Variants in KANK4 observed in about 807,000 individuals in gnomAD.
KANK4 encodes the protein KN motif and ankyrin repeat domain-containing protein 4.
KANK4 carries 50 observed loss-of-function variants against 80.8 expected under a neutral mutation model. That is an observed-to-expected ratio of 0.62 (90% CI 0.49 to 0.78). The LOEUF (loss-of-function observed/expected upper bound fraction) is 0.78. Among genes scored for constraint, KANK4 ranks in the 30% least tolerant of loss-of-function variants. KANK4 has a pLI of 0.00. For synonymous variants in KANK4, 465 were observed against 506.9 expected (o/e 0.92, Z 1.11); for missense variants, 1,196 against 1,240.1 (o/e 0.96, Z 0.53).
At chr1:62,313,974 T>A (rs1018917535) in intron 1 of KANK4, among the ~76,000 whole-genome samples, 2 of 152,180 alleles carry the variant, frequency 1.3e-5, no homozygotes, top group Non-Finnish European at 2.9e-5. Flanking sequence ...ATTCAGCCAC[T>A]ACCGAACTTG....
At position 62,238,326 on chromosome 1, in the gene KANK4, G is replaced by C. The variant is rs1424794735; in HGVS notation, c.2939C>G (p.Ala980Gly). ...CTCCGCGTGGGCTCTCAGAAGCCCAGCAATTTCCATATGGGTGGGTGACTT... is the reference window on the plus strand; with the variant it reads ...CTCCGCGTGGGCTCTCAGAAGCCCACCAATTTCCATATGGGTGGGTGACTT... Reference protein sequence around the residue: ...ALKSPTHMEIAGLLRAHAEQG... With the variant: ...ALKSPTHMEIGGLLRAHAEQG... Residue 980 changes from alanine to glycine, a missense_variant, in exon 10 of 10, where the codon GCT becomes GGT. Transcript: ENST00000371153. 1 of 1,614,104 alleles carries C rather than the reference G, an allele frequency of 6.2e-7. No individual in the cohort carries two copies. Among genetic ancestry groups the C allele is most frequent in the Non-Finnish European group, 8.5e-7 (1 of 1,180,006 alleles).
chr1:62,311,687 T>C (rs2149173718), intron 1 of KANK4, among the ~76,000 whole-genome samples: 1 of 152,292 alleles, frequency 6.6e-6, no homozygotes, highest in Non-Finnish European at 1.5e-5. Context: ...GTTGTTCCAG[T>C]AGATTGCTTT....
chr1:62,316,730 A>G (rs1291594727), intron 1 of KANK4, among the ~76,000 whole-genome samples: 1 of 152,192 alleles, frequency 6.6e-6, no homozygotes, highest in Non-Finnish European at 1.5e-5. Context: ...CTCCCCATAT[A>G]AAAAAGTTAA....
At chr1:62,270,721 C>G (rs551898117) in intron 4 of KANK4, among the ~76,000 whole-genome samples, 1 of 152,202 alleles carries the variant, frequency 6.6e-6, no homozygotes, top group South Asian at 2.1e-4. Context: ...TTGTTGGCGT[C>G]TAATGTCTTC....
chr1:62,308,502 C>T (rs1029435630), intron 1 of KANK4, among the ~76,000 whole-genome samples: 1 of 152,058 alleles, frequency 6.6e-6, no homozygotes, highest in African/African-American at 2.4e-5. Context: ...GGTGCTCCTG[C>T]TCCTGATCTC....
chr1:62,300,500 G>C, intron 1 of KANK4, among the ~76,000 whole-genome samples: 1 of 152,194 alleles, frequency 6.6e-6, no homozygotes, highest in Admixed American at 6.5e-5. Context: ...TCACAGATCT[G>C]GTATTTTTGA....
chr1:62,302,270 T>C (rs1282103518), intron 1 of KANK4, among the ~76,000 whole-genome samples: 1 of 151,904 alleles, frequency 6.6e-6, no homozygotes, highest in Non-Finnish European at 1.5e-5. Context: ...GCGAGCATGT[T>C]TGCAGGTCTG....
rs1202505036 is a variant in KANK4 at position 62,253,082 on chromosome 1, G to A, written c.2667C>T (p.Asn889=). The change falls in exon 8 of 10, where the codon AAC becomes AAT. Residue 889 remains asparagine (N), a synonymous_variant. Coordinates refer to ENST00000371153, the MANE Select transcript of KANK4 (RefSeq NM_181712.5). ...TTCCACCCACCTGAGTAGCTTGAAT[G>A]TTCACATTTCCTTCTCTTAAGAGCT... The part of the protein sequence containing the change: ...VWKLLREGNV[N]IQATQGGQTA... 22 of 1,613,742 alleles carry A rather than the reference G, an allele frequency of 1.4e-5. 1 individual carries two copies. The African/African-American group carries it at 2.0e-4, about 15-fold the overall frequency.
Position 62,273,918 on chromosome 1 carries a change from C to T in KANK4, c.1186G>A (p.Gly396Arg). 1 of 1,614,184 alleles carries T rather than the reference C, an allele frequency of 6.2e-7. No individual in the cohort carries two copies. Among genetic ancestry groups the T allele is most frequent in the African/African-American group, 1.3e-5 (1 of 75,040 alleles). Residue 396 changes from glycine to arginine, a missense_variant, in exon 3 of 10, where the codon GGA becomes AGA. Coordinates refer to ENST00000371153, the MANE Select transcript of KANK4 (RefSeq NM_181712.5). ...ELEFTVAQLEGQFHQENAKDT... is the reference protein window; with the variant it reads ...ELEFTVAQLERQFHQENAKDT... ...TTGGCGTTCTCTTGGTGAAACTGTCCTTCCAGTTGGGCTACAGTGAACTCC... is the reference window on the plus strand; with the variant it reads ...TTGGCGTTCTCTTGGTGAAACTGTCTTTCCAGTTGGGCTACAGTGAACTCC...
At chr1:62,317,283 T>C in intron 1 of KANK4, among the ~76,000 whole-genome samples, 1 of 152,146 alleles carries the variant, frequency 6.6e-6, no homozygotes, top group South Asian at 2.1e-4. Flanking sequence ...TCTCCCTAAA[T>C]GTTGGGCAGA....
intron 4 of KANK4, 37 bp from the exon 5 acceptor site, chr1:62,268,542 C>T (rs1007506730): frequency 1.3e-5 from 20 of 1,558,686 alleles, no homozygotes; most frequent in Non-Finnish European, 1.5e-5. Flanking sequence ...TCCTGTCTTT[C>T]CTGCCCAGTG....
intron 7 of KANK4, among the ~76,000 whole-genome samples, chr1:62,261,730 T>A (rs1208394465): frequency 6.6e-6 from 1 of 152,182 alleles, no homozygotes; most frequent in Non-Finnish European, 1.5e-5. Context: ...ATGTGGTGGC[T>A]CCAACTCACC....
intron 8 of KANK4, among the ~76,000 whole-genome samples, chr1:62,252,000 A>AAG (rs1277683684): frequency 6.6e-6 from 1 of 151,618 alleles, no homozygotes; most frequent in Non-Finnish European, 1.5e-5. Flanking sequence ...TCAAAAAAAA[A>AAG]AAAAAAAGAT....
intron 8 of KANK4, 129 bp downstream of exon 8, chr1:62,252,938 T>G: frequency 8.9e-7 from 1 of 1,123,376 alleles, no homozygotes; most frequent in Non-Finnish European, 1.3e-6. Flanking sequence ...CCTGATGCCA[T>G]TTGGAGGTCC....
intron 2 of KANK4, among the ~76,000 whole-genome samples, chr1:62,276,895 C>T (rs1182974526): frequency 6.6e-6 from 1 of 152,140 alleles, no homozygotes. Flanking sequence ...ACAATGGAAG[C>T]CCCATAATGG....
intron 9 of KANK4, among the ~76,000 whole-genome samples, chr1:62,243,992 A>G (rs1671407718): frequency 6.6e-6 from 1 of 151,602 alleles, no homozygotes; most frequent in Non-Finnish European, 1.5e-5. Context: ...CTGTTCATCT[A>G]TTCATAATTA....
chr1:62,273,590 C>T lies in KANK4; in HGVS notation c.1514G>A (p.Gly505Asp). The T allele has an allele frequency of 6.2e-7, 1 of 1,614,134 alleles. No homozygotes were observed. The highest frequency in any genetic ancestry group is 8.5e-7 in the Non-Finnish European group (1 of 1,180,022). Reference protein sequence around the residue: ...LSTELRIEEAGTEQEGGPQGG... With the variant: ...LSTELRIEEADTEQEGGPQGG... Reference sequence around the variant, plus strand: ...CTGAGGGCCTCCTTCCTGTTCAGTGCCTGCTTCTTCAATCCTGAGTTCAGT... The same window carrying T: ...CTGAGGGCCTCCTTCCTGTTCAGTGTCTGCTTCTTCAATCCTGAGTTCAGT... Residue 505 changes from glycine (G) to aspartate (D), a missense_variant, in exon 3 of 10, where the codon GGC (glycine) becomes GAC (aspartate). Transcript: ENST00000371153.
At chr1:62,307,020 C>A (rs1476068817) in intron 1 of KANK4, among the ~76,000 whole-genome samples, 1 of 152,108 alleles carries the variant, frequency 6.6e-6, no homozygotes, top group African/African-American at 2.4e-5. Context: ...TTGGTGTCAT[C>A]CCCAGTAAAG....
intron 1 of KANK4, among the ~76,000 whole-genome samples, chr1:62,306,607 C>G (rs987585411): frequency 3.9e-5 from 6 of 152,050 alleles, no homozygotes; most frequent in Non-Finnish European, 5.9e-5. Flanking sequence ...AACAGATTCT[C>G]TATCCCTGTT....
Sources: allele counts gnomAD v4.1 joint callset (sites outside exome capture counted in the v4.1 genomes callset), GRCh38; gene constraint gnomAD v4.1.1; transcripts MANE v1.5; gene names NCBI Gene and HGNC (gene_info 2026-07-23, HGNC 2026-07-21).